The following CDH18 variants were observed in gnomAD, a reference collection of about 807,000 sequenced individuals.
CDH18 encodes the protein cadherin 18.
In CDH18, 31 loss-of-function variants were observed where a neutral mutation model predicts 67.9. The observed-to-expected ratio is 0.46, with a 90% CI of 0.34 to 0.62. The LOEUF (loss-of-function observed/expected upper bound fraction) is 0.62. CDH18 is among the 20% of genes least tolerant of loss of function. The pLI is 0.01. For synonymous variants in CDH18, 362 were observed against 347.2 expected, an observed-to-expected ratio of 1.04 and a Z score of -0.48; for missense variants, 890 against 975.5, an observed-to-expected ratio of 0.91 and a Z score of 1.17.
intron 1 of CDH18, among the ~76,000 whole-genome samples, chr5:20,266,306 G>A (rs1214519310): frequency 2.6e-5 from 4 of 152,140 alleles, no homozygotes; most frequent in African/African-American, 9.7e-5. Flanking sequence ...TGAAAGCTTT[G>A]CAGTCTAAAC....
intron 2 of CDH18, among the ~76,000 whole-genome samples, chr5:20,113,183 C>A (rs957069298): frequency 2.0e-5 from 3 of 152,104 alleles, no homozygotes; most frequent in Non-Finnish European, 4.4e-5. Flanking sequence ...AATACTGAGT[C>A]ATGATTCACC....
intron 2 of CDH18, among the ~76,000 whole-genome samples, chr5:20,159,666 A>T (rs768979903): frequency 2.0e-5 from 3 of 152,168 alleles, no homozygotes. Flanking sequence ...TCTGGTATTA[A>T]AGGTAGCAAA....
At position 19,935,706 on chromosome 5, in the gene CDH18, C is replaced by CTT. The variant is rs529439532; in HGVS notation, c.-257+45352_-257+45353dup. On this transcript the variant is annotated intron_variant, in intron 2 of 12. Coordinates refer to ENST00000382275, the MANE Select transcript of CDH18 (RefSeq NM_004934.5). ...TCATTATCCCCTTTGTATTTAAAAA[C>CTT]TTTTTTTTTTTTTTTACTGTGGAAA... Among the ~76,000 whole-genome samples the CTT allele has an allele frequency of 3.8e-5, 5 of 133,268 alleles. No homozygotes were observed. In the East Asian group the frequency reaches 8.8e-4, roughly 23 times the overall value. 87.4% of individuals were successfully genotyped at this position (133,268 alleles called of 152,430 possible). A position where few individuals can be genotyped will look rare whatever the true frequency, so the allele number is the denominator to read the frequency against.
chr5:20,172,721 T>C (rs1477942409), intron 2 of CDH18, among the ~76,000 whole-genome samples: 1 of 152,116 alleles, frequency 6.6e-6, no homozygotes, highest in Non-Finnish European at 1.5e-5. Flanking sequence ...GCAGGCATGG[T>C]GGCTCACACT....
At chr5:19,585,720 G>T (rs1744037147) in intron 7 of CDH18, among the ~76,000 whole-genome samples, 1 of 151,992 alleles carries the variant, frequency 6.6e-6, no homozygotes, top group African/African-American at 2.4e-5. Context: ...TTGTGTTCTT[G>T]GTTTATTTGC....
chr5:20,233,208 T>C (rs969510250), intron 2 of CDH18, among the ~76,000 whole-genome samples: 1 of 150,858 alleles, frequency 6.6e-6, no homozygotes, highest in Non-Finnish European at 1.5e-5. Flanking sequence ...TATATAAGTA[T>C]TCTCATAAGG....
chr5:20,213,162 A>T (rs1740486594), intron 2 of CDH18, among the ~76,000 whole-genome samples: 1 of 152,168 alleles, frequency 6.6e-6, no homozygotes, highest in African/African-American at 2.4e-5. Flanking sequence ...TAGGGTTATT[A>T]CGTAACTTAC....
chr5:19,793,726 A>C (rs560717894), intron 3 of CDH18, among the ~76,000 whole-genome samples: 1 of 151,916 alleles, frequency 6.6e-6, no homozygotes, highest in African/African-American at 2.4e-5. Context: ...AAACAAATAA[A>C]AACCAAGGTC....
At chr5:19,956,499 T>C (rs1045431576) in intron 2 of CDH18, among the ~76,000 whole-genome samples, 12 of 151,434 alleles carry the variant, frequency 7.9e-5, no homozygotes, top group African/African-American at 2.9e-4. Context: ...ATGCTCCTTA[T>C]AATTTTCTGT....
chr5:20,182,999 C>G lies in CDH18; in HGVS notation c.-518+72445G>C, dbSNP rs903372824. 5.3e-4 allele frequency among the ~76,000 whole-genome samples: 80 copies of G among 152,160 alleles called. 1 individual carries two copies. Among genetic ancestry groups the G allele is most frequent in the African/African-American group, 1.9e-3 (78 of 41,546 alleles). On this transcript the variant is annotated intron_variant, in intron 2 of 14. Coordinates refer to the CDH18 transcript ENST00000507958. ...TGGAACCCTGTTGCCTAAGGCTAAT[C>G]CTTGATCTTTCTTATATTAGTTCTC...
At chr5:20,055,151 T>A (rs553523655) in intron 2 of CDH18, among the ~76,000 whole-genome samples, 1 of 152,336 alleles carries the variant, frequency 6.6e-6, no homozygotes, top group Admixed American at 6.5e-5. Flanking sequence ...TGTATTACTA[T>A]TATAAAATAT....
chr5:19,483,526 G>A lies in CDH18; in HGVS notation c.1657C>T (p.Arg553Trp), dbSNP rs760401743. ...EDNTASILTR[R>W]RRFSRTVQDV... ...TGAACAGTTCGACTAAATCTCCTCC[G>A]CCTTGTCAGAATGCTGGCTGTGTTA... Residue 553 changes from arginine to tryptophan, a missense_variant, in exon 12 of 13, where the codon CGG becomes TGG. By Grantham distance (101) the Arg-to-Trp change is moderately radical. Transcript: ENST00000382275. 30 of 1,612,650 alleles carry A rather than the reference G, an allele frequency of 1.9e-5. No homozygotes were observed. Among genetic ancestry groups the A allele is most frequent in the South Asian group, 3.3e-5 (3 of 90,944 alleles).
At chr5:19,590,533 G>A (rs949437903) in intron 7 of CDH18, among the ~76,000 whole-genome samples, 1 of 152,068 alleles carries the variant, frequency 6.6e-6, no homozygotes, top group African/African-American at 2.4e-5. Flanking sequence ...TAGATAGATA[G>A]ATAGACAACA....
At chr5:20,424,070 A>G (rs1748085856) in intron 1 of CDH18, among the ~76,000 whole-genome samples, 2 of 150,706 alleles carry the variant, frequency 1.3e-5, no homozygotes, top group African/African-American at 5.0e-5. Context: ...AAAATATACA[A>G]TTACAGCAGA....
intron 3 of CDH18, among the ~76,000 whole-genome samples, chr5:19,823,404 G>A (rs1176573335): frequency 6.6e-6 from 1 of 152,160 alleles, no homozygotes; most frequent in Admixed American, 6.5e-5. Flanking sequence ...AATTATAAAA[G>A]TATTAATTTG....
intron 1 of CDH18, among the ~76,000 whole-genome samples, chr5:20,412,548 G>C (rs1322706168): frequency 6.6e-6 from 1 of 152,162 alleles, no homozygotes; most frequent in Non-Finnish European, 1.5e-5. Flanking sequence ...AAGAGAAACA[G>C]TGCAAACTGG....
chr5:20,465,400 A>G (rs1751567997), intron 1 of CDH18, among the ~76,000 whole-genome samples: 1 of 152,060 alleles, frequency 6.6e-6, no homozygotes, highest in Non-Finnish European at 1.5e-5. Flanking sequence ...TTCCTTCCAG[A>G]AGACTAAATA....
At chr5:19,605,536 A>G (rs1354461997) in intron 6 of CDH18, among the ~76,000 whole-genome samples, 1 of 152,064 alleles carries the variant, frequency 6.6e-6, no homozygotes. Context: ...ATCTTCCATA[A>G]TCTTTCTATT....
chr5:19,879,681 A>C (rs1388475778), intron 2 of CDH18, among the ~76,000 whole-genome samples: 1 of 152,064 alleles, frequency 6.6e-6, no homozygotes, highest in African/African-American at 2.4e-5. Context: ...ACACCAAAAT[A>C]TGAAAGGCTT....
Sources: gnomAD v4.1 joint callset for allele counts (sites outside exome capture counted in the v4.1 genomes callset) on GRCh38, gnomAD v4.1.1 for gene constraint, MANE v1.5 for transcripts, NCBI Gene and HGNC (gene_info 2026-07-23, HGNC 2026-07-21) for gene names.